Variants in MCTP1 observed in about 807,000 individuals in gnomAD.
MCTP1 encodes multiple C2 and transmembrane domain containing 1.
Under a neutral mutation model 120.6 loss-of-function variants are expected in MCTP1, and 69 were observed. That is an observed-to-expected ratio of 0.57 (90% CI 0.47 to 0.70). The LOEUF (loss-of-function observed/expected upper bound fraction) is 0.70. Among genes scored for constraint, MCTP1 ranks in the 30% least tolerant of loss-of-function variants. MCTP1 has a pLI of 0.00. For missense variants in MCTP1, 1,203 were observed against 1,248.8 expected (o/e 0.96, Z 0.55); for synonymous variants, 529 against 493.1 (o/e 1.07, Z -0.96).
chr5:95,100,517 T>A (rs529911616), intron 1 of MCTP1, among the ~76,000 whole-genome samples: 45 of 152,234 alleles, frequency 3.0e-4, no homozygotes, highest in Non-Finnish European at 5.4e-4. Context: ...GAAATGAAAA[T>A]ACAAGTCACA....
At chr5:94,892,687 T>C (rs57577567) in intron 11 of MCTP1, among the ~76,000 whole-genome samples, 10,355 of 152,270 alleles carry the variant, frequency 0.068, 438 homozygotes, top group African/African-American at 0.12. Flanking sequence ...GGGGGCAATT[T>C]ATTTGCTTCC....
intron 17 of MCTP1, among the ~76,000 whole-genome samples, chr5:94,821,687 C>A (rs1785687730): frequency 6.6e-6 from 1 of 152,102 alleles, no homozygotes; most frequent in East Asian, 1.9e-4. Context: ...TGGTATACAC[C>A]AGAGATTGGT....
chr5:94,878,798 T>C (rs1353125762), intron 12 of MCTP1, among the ~76,000 whole-genome samples: 1 of 151,968 alleles, frequency 6.6e-6, no homozygotes, highest in Non-Finnish European at 1.5e-5. Context: ...ACATGGTTAC[T>C]AGATATATTG....
At chr5:95,198,008 C>G (rs775116380) in intron 1 of MCTP1, among the ~76,000 whole-genome samples, 5 of 152,040 alleles carry the variant, frequency 3.3e-5, no homozygotes, top group Non-Finnish European at 5.9e-5. Flanking sequence ...AATGTCTGTA[C>G]GTGTTTAGTA....
At chr5:94,932,577 T>C (rs751410279) in intron 5 of MCTP1, among the ~76,000 whole-genome samples, 1 of 152,080 alleles carries the variant, frequency 6.6e-6, no homozygotes, top group Non-Finnish European at 1.5e-5. Flanking sequence ...GAAATATGTA[T>C]GGCCAAAAGT....
chr5:94,716,953 T>C (rs188868856), intron 19 of MCTP1, among the ~76,000 whole-genome samples: 37 of 152,164 alleles, frequency 2.4e-4, no homozygotes, highest in Non-Finnish European at 4.9e-4. Context: ...AAATGAGATA[T>C]GGGCATCAAA....
intron 19 of MCTP1, among the ~76,000 whole-genome samples, chr5:94,772,149 C>A (rs1224596144): frequency 6.6e-6 from 1 of 152,112 alleles, no homozygotes; most frequent in South Asian, 2.1e-4. Flanking sequence ...ACTTGATGAG[C>A]CTGTGGGGTT....
chr5:95,017,379 G>A lies in MCTP1; in HGVS notation c.826C>T (p.Arg276Ter), dbSNP rs746583452. Residue 276 changes from arginine (R) to a stop codon, truncating the protein, a stop_gained, in exon 2 of 23, where the codon CGA becomes TGA. Coordinates refer to ENST00000515393, the MANE Select transcript of MCTP1 (RefSeq NM_024717.7). LOFTEE classifies it high-confidence loss of function. Reference sequence around the variant, plus strand: ...CTTATGCTCTTACCTCCTCGATCTCGAGCAGCTAAACTTTGACCCCTTCTT... The same window carrying A: ...CTTATGCTCTTACCTCCTCGATCTCAAGCAGCTAAACTTTGACCCCTTCTT... Reference protein sequence around the residue: ...TLRRGQSLAARDRGGTSDPYV... With the variant: ...TLRRGQSLAA 1.2e-6 allele frequency: 2 copies of A among 1,604,376 alleles called. No individual in the cohort carries two copies. The highest frequency in any genetic ancestry group is 1.7e-6 in the Non-Finnish European group (2 of 1,174,038).
At chr5:94,857,088 T>C (rs1794856949) in intron 17 of MCTP1, among the ~76,000 whole-genome samples, 1 of 151,688 alleles carries the variant, frequency 6.6e-6, no homozygotes, top group Non-Finnish European at 1.5e-5. Flanking sequence ...GTATCCCCCA[T>C]TCACCCTTTT....
chr5:95,194,258 G>A (rs539553222), intron 1 of MCTP1, among the ~76,000 whole-genome samples: 1 of 151,954 alleles, frequency 6.6e-6, no homozygotes, highest in African/African-American at 2.4e-5. Flanking sequence ...AAAAGAAAAA[G>A]AGAAGAGAAG....
chr5:95,076,053 G>A (rs1250151326), intron 1 of MCTP1, among the ~76,000 whole-genome samples: 1 of 152,058 alleles, frequency 6.6e-6, no homozygotes, highest in African/African-American at 2.4e-5. Context: ...ACAGTGGATT[G>A]TACTGAACCC....
intron 1 of MCTP1, among the ~76,000 whole-genome samples, chr5:95,251,563 G>A (rs1420192882): frequency 6.6e-6 from 1 of 152,118 alleles, no homozygotes; most frequent in African/African-American, 2.4e-5. Flanking sequence ...GGATGGTGGA[G>A]TTTAAGTTGA....
chr5:95,009,993 C>G lies in MCTP1; in HGVS notation c.838+7374G>C, dbSNP rs886571172. Among the ~76,000 whole-genome samples the G allele has an allele frequency of 2.0e-5, 3 of 152,160 alleles. No individual in the cohort carries two copies. In the East Asian group the frequency reaches 5.8e-4, roughly 29 times the overall value. The stretch of plus-strand genomic sequence containing the variant: ...CCAAACCACATTCTAGTGAATGTGG[C>G]TGTGGTGGAAATTAGTTTTTCCCTT... On this transcript the variant is annotated intron_variant, in intron 2 of 22. Transcript: ENST00000515393.
chr5:95,005,204 T>A (rs1486626078), intron 2 of MCTP1, among the ~76,000 whole-genome samples: 3 of 152,212 alleles, frequency 2.0e-5, no homozygotes, highest in Non-Finnish European at 4.4e-5. Context: ...TTTCCCTTTT[T>A]TTAATGGGAG....
At chr5:95,201,463 GGTTTTTTTTTTTTTTTT>G (rs1751015666) in intron 1 of MCTP1, among the ~76,000 whole-genome samples, 4 of 120,720 alleles carry the variant, frequency 3.3e-5, no homozygotes, top group South Asian at 5.6e-4. Flanking sequence ...AAGGAAAAGT[GGTTTTTTTTTTTTTTTT>G]TTTTTTTTTT....
chr5:95,099,353 A>C (rs112225536), intron 1 of MCTP1, among the ~76,000 whole-genome samples: 1 of 151,138 alleles, frequency 6.6e-6, no homozygotes, highest in East Asian at 1.9e-4. Context: ...AAATGGGAGA[A>C]AATTTTCGCA....
intron 1 of MCTP1, among the ~76,000 whole-genome samples, chr5:95,236,969 T>A (rs1268434786): frequency 6.6e-6 from 1 of 152,190 alleles, no homozygotes; most frequent in Non-Finnish European, 1.5e-5. Context: ...ATTTAAGCCA[T>A]TTTTAGGTGG....
chr5:94,862,536 C>CACT lies in MCTP1; in HGVS notation c.2436+5794_2436+5796dup, dbSNP rs147891861. 5.0e-3 allele frequency among the ~76,000 whole-genome samples: 766 copies of CACT among 151,886 alleles called. 6 individuals carry two copies. Among genetic ancestry groups the CACT allele is most frequent in the African/African-American group, 0.018 (743 of 41,498 alleles). The stretch of plus-strand genomic sequence containing the variant: ...AGGCCCACAAACTGAACTAGAGCCT[C>CACT]ACTCCTCAGGAAAGATTACAGAAAA... On this transcript the variant is annotated intron_variant, in intron 17 of 22. Transcript: ENST00000515393.
At chr5:94,857,942 A>ACCC (rs1325983046) in intron 17 of MCTP1, among the ~76,000 whole-genome samples, 5 of 151,660 alleles carry the variant, frequency 3.3e-5, no homozygotes, top group African/African-American at 1.2e-4. Flanking sequence ...AATAATTTGG[A>ACCC]TCCATATAAT....
Sources: allele counts gnomAD v4.1 joint callset (sites outside exome capture counted in the v4.1 genomes callset), GRCh38; gene constraint gnomAD v4.1.1; transcripts MANE v1.5; gene names NCBI Gene and HGNC (gene_info 2026-07-23, HGNC 2026-07-21).